PRR29: variants seen among roughly 807,000 people sequenced by gnomAD.
The protein encoded by PRR29 is proline-rich protein 29.
PRR29 carries 20 observed loss-of-function variants against 25.1 expected under a neutral mutation model. The observed-to-expected ratio is 0.80, with a 90% CI of 0.56 to 1.16. The LOEUF (loss-of-function observed/expected upper bound fraction) is 1.16, where lower values mean the gene tolerates loss of function less well. PRR29 is among the 50% of genes most tolerant of loss of function. PRR29 has a pLI of 0.00. For missense variants in PRR29, 238 were observed against 246.6 expected (o/e 0.97, Z 0.23); for synonymous variants, 108 against 102.6 (o/e 1.05, Z -0.32).
In PRR29 at chr17:64,002,743, G is replaced by A. The variant is rs759745825; in HGVS notation, c.*982G>A. 1 of 1,610,132 alleles carries A rather than the reference G, an allele frequency of 6.2e-7. No individual in the cohort carries two copies. The highest frequency in any genetic ancestry group is 2.2e-5 in the East Asian group (1 of 44,864). On this transcript the variant is annotated 3_prime_UTR_variant, in exon 6 of 6. Transcript: ENST00000412177. ...CGTGGTGGTGGCCATGCCACTCATG[G>A]TTGCTATGGCCGGAAGGCCTGGGGC... is the stretch of plus-strand genomic sequence containing the variant.
At chr17:63,999,354 C>T in intron 3 of PRR29, 2 of 524,810 alleles carry the variant, frequency 3.8e-6, no homozygotes, top group Non-Finnish European at 6.8e-6. Context: ...GGAAGGTAGG[C>T]ACCCTGGTAA....
Position 64,003,758 on chromosome 17 carries a change from C to A in PRR29, c.*1997C>A, listed in dbSNP as rs1567844362. 6.2e-7 allele frequency: 1 copy of A among 1,614,222 alleles called. No individual in the cohort carries two copies. The highest frequency in any genetic ancestry group is 8.5e-7 in the Non-Finnish European group (1 of 1,180,034). On this transcript the variant is annotated 3_prime_UTR_variant, in exon 6 of 6. Transcript: ENST00000412177. ...TTGCGGTGGCCATCCTCTCTGTCAG[C>A]CGTGCTGTTGAATGTGGCTGTGGCC...
chr17:64,000,537 G>GC (rs1910581012), intron 3 of PRR29, among the ~76,000 whole-genome samples: 1 of 151,640 alleles, frequency 6.6e-6, no homozygotes, highest in South Asian at 2.1e-4. Context: ...CACTATGTTA[G>GC]CCAGGATGGT....
rs939266679 is a variant in PRR29, at chr17:64,001,152, G to C, written c.312G>C (p.Gly104=). ...EEEEMDVREK[G]PLVFHHHYLP... is the part of the protein sequence containing the mutation. ...AGGAGATGGACGTGCGGGAGAAAGG[G>C]CCTTTGGTGTTTCACCACCACTACT... Residue 104 remains glycine (G), a synonymous_variant, in exon 4 of 6, where the codon GGG becomes GGC. Transcript: ENST00000412177. The C allele has an allele frequency of 2.0e-6, 3 of 1,537,372 alleles. No homozygotes were observed. In the African/African-American group the frequency reaches 4.1e-5, roughly 21 times the overall value.
At position 63,998,797 on chromosome 17, in the gene PRR29, T is replaced by TGCCCC; in HGVS notation, c.136+15_136+16insGCCCC. On this transcript the variant is annotated intron_variant, in intron 2 of 5. Transcript: ENST00000412177. ...CGTGAAGGAAGGTGAGACTCCCGGG[T>TGCCCC]CCCCCCACCCCACCCCCACCATCAC... The TGCCCC allele has an allele frequency of 2.9e-5, 31 of 1,062,554 alleles. No homozygotes were observed. Among genetic ancestry groups the TGCCCC allele is most frequent in the Non-Finnish European group, 3.9e-5 (30 of 761,654 alleles). The allele number at this position is 1,062,554 out of a possible 1,614,324, so 65.8% of individuals were successfully genotyped here. A position where few individuals can be genotyped will look rare whatever the true frequency, so the allele number is the denominator to read the frequency against.
Position 64,000,888 on chromosome 17 carries a change from A to C in PRR29, c.244-196A>C, listed in dbSNP as rs547114353. Reference sequence around the variant, plus strand: ...TCACCGTGTTAGCCAGGATGGTCTCAATCTCCTGACCTTGTGATCCGCCCG... The same window carrying C: ...TCACCGTGTTAGCCAGGATGGTCTCCATCTCCTGACCTTGTGATCCGCCCG... On this transcript the variant is annotated intron_variant, in intron 3 of 5. Transcript: ENST00000412177. 443 of 559,614 alleles carry C rather than the reference A, an allele frequency of 7.9e-4. 6 individuals carry two copies. The African/African-American group carries it at 8.6e-3, about 11-fold the overall frequency. The allele number at this position is 559,614 out of a possible 1,614,324, so 34.7% of individuals were successfully genotyped here.
At position 64,002,517 on chromosome 17, in the gene PRR29, C is replaced by A. The variant is rs1196389565; in HGVS notation, c.*756C>A. On this transcript the variant is annotated 3_prime_UTR_variant, in exon 6 of 6. Transcript: ENST00000412177. ...AAGGAGAGGGTGGGGAGGGAGGCAT[C>A]TAGGGAGAGGGGTCCCCCATGGTGG... 1.8e-6 allele frequency: 1 copy of A among 555,840 alleles called. No individual in the cohort carries two copies. Among genetic ancestry groups the A allele is most frequent in the Non-Finnish European group, 3.2e-6 (1 of 310,766 alleles). 34.4% of individuals were successfully genotyped at this position (555,840 alleles called of 1,614,324 possible).
At position 64,002,941 on chromosome 17, in the gene PRR29, G is replaced by A. The variant is rs1910897451; in HGVS notation, c.*1180G>A. The stretch of plus-strand genomic sequence containing the variant: ...GACACAGGCTCTGGGGAGGGAGGGG[G>A]CAAGGGTCTTAGACGTCCTGTGATC... On this transcript the variant is annotated 3_prime_UTR_variant, in exon 6 of 6. Coordinates refer to ENST00000412177, the MANE Select transcript of PRR29 (RefSeq NM_001164257.2). The A allele has an allele frequency of 1.9e-6, 3 of 1,611,294 alleles. No homozygotes were observed. Among genetic ancestry groups the A allele is most frequent in the East Asian group, 2.2e-5 (1 of 44,826 alleles).
Position 63,998,999 on chromosome 17 carries a change from G to T in PRR29, c.168G>T (p.Ala56=), listed in dbSNP as rs1005273520. Residue 56 remains alanine, a synonymous_variant, in exon 3 of 6, where the codon GCG becomes GCT. Transcript: ENST00000412177. ...DLLELMMLQN[A]QMHQLLLSRL... is the part of the protein sequence containing the mutation. ...TGGAACTGATGATGCTGCAGAACGC[G>T]CAGATGCACCAGCTGCTGCTGAGTC... 2 of 1,536,244 alleles carry T rather than the reference G, an allele frequency of 1.3e-6. No homozygotes were observed. Among genetic ancestry groups the T allele is most frequent in the Admixed American group, 2.0e-5 (1 of 51,006 alleles).
intron 1 of PRR29, 87 bp downstream of exon 1, chr17:63,998,511 G>A (rs892515731): frequency 2.8e-5 from 39 of 1,371,464 alleles, no homozygotes; most frequent in Non-Finnish European, 3.8e-5. Flanking sequence ...AGATCCTGGA[G>A]GGGTGGGGGA....
rs1047094272 is a variant in PRR29 at position 64,003,860 on chromosome 17, G to A, written c.*2099G>A. 9.3e-6 allele frequency: 15 copies of A among 1,614,104 alleles called. No homozygotes were observed. The highest frequency in any genetic ancestry group is 1.3e-5 in the African/African-American group (1 of 74,946). On this transcript the variant is annotated 3_prime_UTR_variant, in exon 6 of 6. Transcript: ENST00000412177. Reference sequence around the variant, plus strand: ...TTGCCACGGAACAGGAAGAGGGTGAGGCTGTCCAGGGGCTCCACGGTGGGC... The same window carrying A: ...TTGCCACGGAACAGGAAGAGGGTGAAGCTGTCCAGGGGCTCCACGGTGGGC...
In PRR29 at chr17:64,004,117, G is replaced by T; in HGVS notation, c.*2356G>T. 2 of 608,820 alleles carry T rather than the reference G, an allele frequency of 3.3e-6. No individual in the cohort carries two copies. The highest frequency in any genetic ancestry group is 1.8e-5 in the African/African-American group (1 of 54,178). The allele number at this position is 608,820 out of a possible 1,614,324, so 37.7% of individuals were successfully genotyped here. A position where few individuals can be genotyped will look rare whatever the true frequency, so the allele number is the denominator to read the frequency against. ...CAGTGCAGAGAGGAAGAGGGCAGCA[G>T]TTGAGGATGGAGGCTGGACTGTGTG... is the stretch of plus-strand genomic sequence containing the variant. On this transcript the variant is annotated 3_prime_UTR_variant, in exon 6 of 6. Coordinates refer to ENST00000412177, the MANE Select transcript of PRR29 (RefSeq NM_001164257.2).
Position 63,998,699 on chromosome 17 carries a change from A to T in PRR29, c.61-8A>T. On this transcript the variant is annotated splice_polypyrimidine_tract_variant and splice_region_variant and intron_variant, in intron 1 of 5. Coordinates refer to ENST00000412177, the MANE Select transcript of PRR29 (RefSeq NM_001164257.2). ...ACCCCACCTGGCTGACTCCGCGCAC[A>T]CCCCCAGCCCTGGGTCACCTTCCTG... The T allele has an allele frequency of 6.8e-7, 1 of 1,464,698 alleles. No individual in the cohort carries two copies. Among genetic ancestry groups the T allele is most frequent in the Non-Finnish European group, 9.0e-7 (1 of 1,105,096 alleles). The allele number at this position is 1,464,698 out of a possible 1,614,324, so 90.7% of individuals were successfully genotyped here.
chr17:64,004,168 C>T lies in PRR29; in HGVS notation c.*2407C>T, dbSNP rs908188465. The T allele has an allele frequency of 5.9e-5, 33 of 556,902 alleles. No individual in the cohort carries two copies. The highest frequency in any genetic ancestry group is 4.6e-4 in the Middle Eastern group (1 of 2,152). The allele number at this position is 556,902 out of a possible 1,614,324, so 34.5% of individuals were successfully genotyped here. On this transcript the variant is annotated 3_prime_UTR_variant, in exon 6 of 6. Transcript: ENST00000412177. The stretch of plus-strand genomic sequence containing the variant: ...GTAGTTTTACAGACATGATGGTTTC[C>T]GGTGACCAGGTGTCTACAAGGACAA...
intron 3 of PRR29, 76 bp downstream of exon 3, chr17:63,999,150 G>A: frequency 8.7e-7 from 1 of 1,146,542 alleles, no homozygotes; most frequent in Non-Finnish European, 1.3e-6. Flanking sequence ...TCCTGTTCAG[G>A]GGGGAAAAGA....
At position 64,003,994 on chromosome 17, in the gene PRR29, C is replaced by T; in HGVS notation, c.*2233C>T. ...AGGGGACAAAGGAGGGAGGTCTGGT[C>T]AGGATGGGGGTGCAGTCCCAGCAGC... On this transcript the variant is annotated 3_prime_UTR_variant, in exon 6 of 6. Coordinates refer to ENST00000412177, the MANE Select transcript of PRR29 (RefSeq NM_001164257.2). 6.5e-7 allele frequency: 1 copy of T among 1,543,680 alleles called. No individual in the cohort carries two copies. The highest frequency in any genetic ancestry group is 8.8e-7 in the Non-Finnish European group (1 of 1,136,822).
intron 3 of PRR29, among the ~76,000 whole-genome samples, chr17:64,000,339 C>CT (rs985826741): frequency 8.6e-5 from 13 of 151,778 alleles, no homozygotes; most frequent in Non-Finnish European, 1.3e-4. Flanking sequence ...TTTTCTTTTT[C>CT]TTTTTTTTGA....
chr17:63,998,600 T>C (rs1455059917), intron 1 of PRR29, 107 bp from the exon 2 acceptor site: 4 of 1,046,592 alleles, frequency 3.8e-6, no homozygotes. Flanking sequence ...GGAGAGAACC[T>C]GGCCCCTGCG....
intron 5 of PRR29, 60 bp from the exon 6 acceptor site, chr17:64,001,673 T>C: frequency 6.5e-7 from 1 of 1,529,418 alleles, no homozygotes; most frequent in Non-Finnish European, 8.8e-7. Context: ...CCCCTTCCCT[T>C]TACCTCTTTG....
Sources: allele counts gnomAD v4.1 joint callset (sites outside exome capture counted in the v4.1 genomes callset), GRCh38; gene constraint gnomAD v4.1.1; transcripts MANE v1.5; gene names NCBI Gene and HGNC (gene_info 2026-07-23, HGNC 2026-07-21).